Variants in USP13 observed in about 807,000 individuals in gnomAD.
USP13 encodes ubiquitin carboxyl-terminal hydrolase 13.
Under a neutral mutation model 107.8 loss-of-function variants are expected in USP13, and 68 were observed. The ratio of observed to expected loss-of-function variants is 0.63; its 90% confidence interval spans 0.52 to 0.77. The LOEUF is 0.77. Ranked by LOEUF, USP13 falls within the 30% of genes least tolerant of loss-of-function variation. The pLI is 0.00. For missense variants in USP13, 945 were observed against 1,093.3 expected, an observed-to-expected ratio of 0.86 and a Z score of 1.91; for synonymous variants, 377 against 389.5, an observed-to-expected ratio of 0.97 and a Z score of 0.38.
intron 10 of USP13, among the ~76,000 whole-genome samples, chr3:179,736,684 C>T (rs891739860): frequency 2.0e-5 from 3 of 152,206 alleles, no homozygotes; most frequent in South Asian, 2.1e-4. Flanking sequence ...GAAATGGTCA[C>T]AGAAGTGTGG....
At chr3:179,670,856 C>G (rs1036919340) in intron 1 of USP13, among the ~76,000 whole-genome samples, 3 of 152,056 alleles carry the variant, frequency 2.0e-5, no homozygotes, top group East Asian at 3.9e-4. Flanking sequence ...TGCCACCATG[C>G]CTGGCTAATT....
intron 1 of USP13, among the ~76,000 whole-genome samples, chr3:179,656,823 G>A (rs560206031): frequency 1.3e-5 from 2 of 152,288 alleles, no homozygotes; most frequent in South Asian, 4.1e-4. Flanking sequence ...CTGGAGAGTG[G>A]GGACTTTGTG....
chr3:179,776,894 C>A (rs2108552095), intron 19 of USP13, among the ~76,000 whole-genome samples: 1 of 106,444 alleles, frequency 9.4e-6, no homozygotes, highest in Non-Finnish European at 1.7e-5. Context: ...GGGAGGACGT[C>A]TCTGGGAACT....
At chr3:179,748,044 C>T (rs1714472172) in intron 13 of USP13, among the ~76,000 whole-genome samples, 1 of 152,176 alleles carries the variant, frequency 6.6e-6, no homozygotes, top group Non-Finnish European at 1.5e-5. Flanking sequence ...AATAAAGCAA[C>T]TATCATTTAT....
intron 1 of USP13, among the ~76,000 whole-genome samples, chr3:179,654,978 C>T (rs1720208592): frequency 1.3e-5 from 2 of 151,870 alleles, no homozygotes; most frequent in African/African-American, 2.4e-5. Flanking sequence ...GTGTGACAAT[C>T]GGCAGTCCTT....
intron 17 of USP13, among the ~76,000 whole-genome samples, chr3:179,762,705 A>G (rs1286566257): frequency 6.6e-6 from 1 of 152,178 alleles, no homozygotes; most frequent in Non-Finnish European, 1.5e-5. Context: ...CAATGCTGCT[A>G]TAAACATTTT....
intron 8 of USP13, among the ~76,000 whole-genome samples, chr3:179,723,839 T>C (rs763455070): frequency 1.3e-4 from 20 of 152,058 alleles, no homozygotes; most frequent in Admixed American, 8.5e-4. Context: ...AGGAGCAGTG[T>C]CTTCATTTTG....
chr3:179,690,099 GT>G (rs1712060404), intron 2 of USP13, 141 bp from the exon 3 acceptor site: 1 of 717,346 alleles, frequency 1.4e-6, no homozygotes, highest in Non-Finnish European at 2.3e-6. Flanking sequence ...TCAGTTCCCT[GT>G]TTATCCTGGA....
chr3:179,729,490 GAGAC>G (rs1280562986), intron 8 of USP13, among the ~76,000 whole-genome samples: 1 of 151,008 alleles, frequency 6.6e-6, no homozygotes, highest in East Asian at 1.9e-4. Context: ...ATTTTTTTTT[GAGAC>G]AGAGTCTTGC....
chr3:179,738,736 G>A (rs945598505), intron 10 of USP13, among the ~76,000 whole-genome samples: 6 of 152,170 alleles, frequency 3.9e-5, no homozygotes, highest in Non-Finnish European at 7.4e-5. Context: ...TAGGTTACCC[G>A]TATTAAAGAG....
At chr3:179,763,564 T>C (rs1237584859) in intron 17 of USP13, among the ~76,000 whole-genome samples, 1 of 152,218 alleles carries the variant, frequency 6.6e-6, no homozygotes, top group East Asian at 1.9e-4. Context: ...AATCGATCCA[T>C]ATGTCTGCCT....
rs1055104451 is a variant in USP13, at chr3:179,787,069, T to C, written c.*2928T>C. The C allele has an allele frequency of 2.0e-5, 3 of 152,248 alleles. No homozygotes were observed. Among genetic ancestry groups the C allele is most frequent in the African/African-American group, 7.2e-5 (3 of 41,462 alleles). 9.4% of individuals were successfully genotyped at this position (152,248 alleles called of 1,614,324 possible). On this transcript the variant is annotated 3_prime_UTR_variant, in exon 21 of 21. Transcript: ENST00000263966. ...GCAGAAAAGACTATTGGAAGAATCATGTGTTAGTGACACTTTACATCAACG... is the reference window on the plus strand; with the variant it reads ...GCAGAAAAGACTATTGGAAGAATCACGTGTTAGTGACACTTTACATCAACG...
At chr3:179,665,680 G>A (rs1272754019) in intron 1 of USP13, among the ~76,000 whole-genome samples, 1 of 151,984 alleles carries the variant, frequency 6.6e-6, no homozygotes, top group Non-Finnish European at 1.5e-5. Context: ...CCGCCTCCTC[G>A]ATTCCAGTGA....
intron 1 of USP13, among the ~76,000 whole-genome samples, chr3:179,679,794 GTTTTTTTTTTTTTT>G (rs57620088): frequency 1.0e-5 from 1 of 97,434 alleles, no homozygotes; most frequent in African/African-American, 4.1e-5. Context: ...CCTATCCTTA[GTTTTTTTTTTTTTT>G]TTTTTTTTTT....
chr3:179,750,619 G>A (rs984230134), intron 13 of USP13, among the ~76,000 whole-genome samples: 5 of 152,064 alleles, frequency 3.3e-5, no homozygotes, highest in African/African-American at 1.2e-4. Flanking sequence ...TTGCCTGGAG[G>A]TAAAATACAG....
chr3:179,675,780 T>C (rs1720876844), intron 1 of USP13, among the ~76,000 whole-genome samples: 1 of 152,132 alleles, frequency 6.6e-6, no homozygotes, highest in Admixed American at 6.5e-5. Flanking sequence ...ACTCCTGGCC[T>C]CAAGTGATCT....
At chr3:179,657,980 T>C (rs1351754244) in intron 1 of USP13, among the ~76,000 whole-genome samples, 2 of 152,100 alleles carry the variant, frequency 1.3e-5, no homozygotes, top group African/African-American at 4.8e-5. Context: ...GAGTGTACTT[T>C]GTCCTGTGTC....
chr3:179,737,556 A>G (rs1576965352), intron 10 of USP13, among the ~76,000 whole-genome samples: 1 of 152,204 alleles, frequency 6.6e-6, no homozygotes, highest in Admixed American at 6.5e-5. Context: ...CAATTTTTAC[A>G]TAGGTTTCAG....
At position 179,742,340 on chromosome 3, in the gene USP13, A is replaced by C. The variant is rs753775655; in HGVS notation, c.1524A>C (p.Ala508=). 1 of 1,614,236 alleles carries C rather than the reference A, an allele frequency of 6.2e-7. No homozygotes were observed. Among genetic ancestry groups the C allele is most frequent in the Non-Finnish European group, 8.5e-7 (1 of 1,180,040 alleles). The change falls in exon 12 of 21, where the codon GCA becomes GCC. Residue 508 remains alanine, a synonymous_variant. Transcript: ENST00000263966. The surrounding 1 kb of genome is among the most constrained non-coding windows in gnomAD (Gnocchi z 5.0). The stretch of plus-strand genomic sequence containing the variant: ...AGTTACCTGTGGCCATGGAGGCGGC[A>C]ACCAACAAGGGTAACAATTCCAAAG... ...LMQLPVAMEA[A]TNKDELIAYE... is the part of the protein sequence containing the mutation.
Sources: gnomAD v4.1 joint callset for allele counts (sites outside exome capture counted in the v4.1 genomes callset) on GRCh38, gnomAD v4.1.1 for gene constraint, Gnocchi (gnomAD v3.1) non-coding constraint, MANE v1.5 for transcripts, NCBI Gene and HGNC (gene_info 2026-07-23, HGNC 2026-07-21) for gene names.